Variants in RHOT1 observed in about 807,000 individuals in gnomAD.
RHOT1 encodes mitochondrial Rho GTPase 1.
RHOT1 carries 27 observed loss-of-function variants against 95.3 expected under a neutral mutation model. The observed-to-expected ratio is 0.28, with a 90% CI of 0.21 to 0.39. RHOT1 has a LOEUF of 0.39. Among genes scored for constraint, RHOT1 ranks in the 10% least tolerant of loss-of-function variants. RHOT1 has a pLI of 1.00. For synonymous variants in RHOT1, 227 were observed against 263.5 expected (o/e 0.86, Z 1.34); for missense variants, 578 against 786.7 (o/e 0.73, Z 3.17).
chr17:32,173,196 A>G (rs1163038623), intron 2 of RHOT1: 1 of 152,278 alleles, frequency 6.6e-6, no homozygotes, highest in African/African-American at 2.4e-5. Context: ...ACTTATATAT[A>G]CAACAAATGG....
At chr17:32,156,786 A>G (rs2033009503) in intron 1 of RHOT1, among the ~76,000 whole-genome samples, 1 of 152,272 alleles carries the variant, frequency 6.6e-6, no homozygotes, top group African/African-American at 2.4e-5. Context: ...CGGTTCCTGA[A>G]TCCAGATTTT....
chr17:32,160,832 G>A (rs1311183596), intron 1 of RHOT1, among the ~76,000 whole-genome samples: 2 of 152,202 alleles, frequency 1.3e-5, no homozygotes, highest in Non-Finnish European at 2.9e-5. Flanking sequence ...TTTGGCAGGC[G>A]TGGGATCCAG....
intron 1 of RHOT1, chr17:32,150,594 T>C: frequency 6.3e-7 from 1 of 1,586,918 alleles, no homozygotes; most frequent in Non-Finnish European, 8.6e-7. Context: ...CCTGTCCTCC[T>C]ACCTGGTACT....
intron 10 of RHOT1, among the ~76,000 whole-genome samples, chr17:32,193,667 C>T (rs941281014): frequency 2.0e-5 from 3 of 152,006 alleles, no homozygotes; most frequent in Non-Finnish European, 4.4e-5. Context: ...GATTGAAAAC[C>T]AGAATTTTCC....
At chr17:32,212,891 A>C (rs558874106) in intron 19 of RHOT1, among the ~76,000 whole-genome samples, 1 of 152,120 alleles carries the variant, frequency 6.6e-6, no homozygotes, top group South Asian at 2.1e-4. Context: ...TGAACTTATC[A>C]TTCCTGGTTG....
At chr17:32,215,067 C>T (rs1047081164) in intron 19 of RHOT1, among the ~76,000 whole-genome samples, 12 of 151,630 alleles carry the variant, frequency 7.9e-5, no homozygotes, top group African/African-American at 2.4e-4. Flanking sequence ...CCACTTTGCC[C>T]GGCTAATTTT....
Position 32,154,209 on chromosome 17 carries a change from G to C in RHOT1, c.37+11480G>C, listed in dbSNP as rs183318307. ...GTAACCCCAGCACTTGAGAGGCCAA[G>C]GCAAGAGACTCACTTGAGCCCAGGG... On this transcript the variant is annotated intron_variant, in intron 1 of 19. Coordinates refer to ENST00000545287, the MANE Select transcript of RHOT1 (RefSeq NM_001033566.3). Among the ~76,000 whole-genome samples the C allele has an allele frequency of 1.8e-3, 267 of 151,064 alleles. 2 individuals are homozygous for C. The highest frequency in any genetic ancestry group is 6.2e-3 in the African/African-American group (255 of 41,064).
At chr17:32,223,154 G>A (rs982858301) in intron 19 of RHOT1, among the ~76,000 whole-genome samples, 2 of 152,040 alleles carry the variant, frequency 1.3e-5, no homozygotes, top group Non-Finnish European at 2.9e-5. Flanking sequence ...TAAGCATGGA[G>A]CACTCTGGCT....
intron 1 of RHOT1, chr17:32,150,935 A>G (rs566985828): frequency 1.4e-4 from 219 of 1,547,778 alleles, no homozygotes; most frequent in African/African-American, 5.5e-5. Flanking sequence ...GATGGAAGGT[A>G]TCTGGTTTGG....
intron 1 of RHOT1, among the ~76,000 whole-genome samples, chr17:32,164,067 A>C (rs2033822576): frequency 6.6e-6 from 1 of 152,186 alleles, no homozygotes; most frequent in Non-Finnish European, 1.5e-5. Context: ...AGGCAGGAGA[A>C]TTGCTTGAAT....
intron 11 of RHOT1, among the ~76,000 whole-genome samples, chr17:32,195,596 T>C (rs1479272614): frequency 3.3e-5 from 5 of 152,214 alleles, no homozygotes; most frequent in African/African-American, 1.2e-4. Flanking sequence ...TTCTTCATTT[T>C]TTCATTGGCA....
At chr17:32,201,210 G>C (rs2037293094) in intron 14 of RHOT1, among the ~76,000 whole-genome samples, 154 bp downstream of exon 14, 1 of 152,102 alleles carries the variant, frequency 6.6e-6, no homozygotes, top group Non-Finnish European at 1.5e-5. Flanking sequence ...CTTTTGTGTT[G>C]AGGTGCTTGA....
At chr17:32,173,137 C>G (rs2034712785) in intron 2 of RHOT1, 1 of 152,066 alleles carries the variant, frequency 6.6e-6, no homozygotes, top group Non-Finnish European at 1.5e-5. Flanking sequence ...TGTTTTTATC[C>G]TATAGTTTTA....
At chr17:32,174,234 T>A (rs1367109899) in intron 3 of RHOT1, among the ~76,000 whole-genome samples, 1 of 152,186 alleles carries the variant, frequency 6.6e-6, no homozygotes, top group Non-Finnish European at 1.5e-5. Flanking sequence ...AGACTTAGTA[T>A]GAAAAAAGGA....
At chr17:32,156,312 C>G (rs56027763) in intron 1 of RHOT1, among the ~76,000 whole-genome samples, 152 of 152,304 alleles carry the variant, frequency 1.0e-3, no homozygotes, top group African/African-American at 3.6e-3. Context: ...CCTGGACCAG[C>G]TTGGCGTGCA....
At chr17:32,181,131 C>G (rs1025105606) in intron 6 of RHOT1, among the ~76,000 whole-genome samples, 1 of 152,190 alleles carries the variant, frequency 6.6e-6, no homozygotes, top group African/African-American at 2.4e-5. Flanking sequence ...CTCTTGCAGT[C>G]TAGAGTTCCA....
chr17:32,214,028 G>A (rs1233069564), intron 19 of RHOT1, among the ~76,000 whole-genome samples: 1 of 152,168 alleles, frequency 6.6e-6, no homozygotes, highest in African/African-American at 2.4e-5. Context: ...ACGACAAGTA[G>A]AGGAACCAGT....
chr17:32,180,578 T>C (rs1291846074), intron 6 of RHOT1, among the ~76,000 whole-genome samples: 1 of 147,802 alleles, frequency 6.8e-6, no homozygotes, highest in Non-Finnish European at 1.5e-5. Flanking sequence ...TCCACTATTA[T>C]CCTATGACCC....
chr17:32,186,012 A>G (rs1297347298), intron 8 of RHOT1, among the ~76,000 whole-genome samples: 2 of 151,924 alleles, frequency 1.3e-5, no homozygotes, highest in African/African-American at 4.8e-5. Flanking sequence ...ATGACCCAAC[A>G]CTCCTGGCCT....
Sources: allele counts gnomAD v4.1 joint callset (sites outside exome capture counted in the v4.1 genomes callset), GRCh38; gene constraint gnomAD v4.1.1; transcripts MANE v1.5; gene names NCBI Gene and HGNC (gene_info 2026-07-23, HGNC 2026-07-21).